TRAPPC9: variants seen among roughly 807,000 people sequenced by gnomAD.
The protein encoded by TRAPPC9 is IKK2 binding protein.
TRAPPC9 carries 83 observed loss-of-function variants against 124.0 expected under a neutral mutation model. The observed-to-expected ratio is 0.67, with a 90% CI of 0.56 to 0.80. The LOEUF (loss-of-function observed/expected upper bound fraction) is 0.80, where lower values mean the gene tolerates loss of function less well. Ranked by LOEUF, TRAPPC9 falls within the 30% of genes least tolerant of loss-of-function variation. The probability of loss-of-function intolerance (pLI) is 0.00; values close to 1 mark genes in which losing one functional copy is unlikely to be tolerated. For synonymous variants in TRAPPC9, 638 were observed against 617.5 expected (o/e 1.03, Z -0.49); for missense variants, 1,302 against 1,508.3 (o/e 0.86, Z 2.27).
At chr8:140,100,137 G>T (rs866839672) in intron 17 of TRAPPC9, 1 of 151,332 alleles carries the variant, frequency 6.6e-6, no homozygotes, top group African/African-American at 2.4e-5. Context: ...AATCTTCAGG[G>T]TATTGACGCC....
chr8:140,307,407 A>G lies in TRAPPC9; in HGVS notation c.1622+3841T>C, dbSNP rs114505226. On this transcript the variant is annotated intron_variant, in intron 10 of 22. Transcript: ENST00000438773. ...TTTTGCCTAAGTTAGCCTGGTTTCTATCAGCTGCTATTACAAAATATTCTA... is the reference window on the plus strand; with the variant it reads ...TTTTGCCTAAGTTAGCCTGGTTTCTGTCAGCTGCTATTACAAAATATTCTA... 4.8e-3 allele frequency among the ~76,000 whole-genome samples: 736 copies of G among 152,294 alleles called. 10 individuals are homozygous for G. The highest frequency in any genetic ancestry group is 0.017 in the African/African-American group (686 of 41,570).
At chr8:140,228,063 G>A (rs990294345) in intron 16 of TRAPPC9, among the ~76,000 whole-genome samples, 1 of 152,204 alleles carries the variant, frequency 6.6e-6, no homozygotes, top group Non-Finnish European at 1.5e-5. Flanking sequence ...CCGATCACAA[G>A]GACCCTTGCA....
At chr8:140,143,826 A>G (rs1183904127) in intron 17 of TRAPPC9, among the ~76,000 whole-genome samples, 1 of 152,222 alleles carries the variant, frequency 6.6e-6, no homozygotes, top group African/African-American at 2.4e-5. Flanking sequence ...GCCATTCCAT[A>G]TTCCATCAAT....
rs148962549 is a variant in TRAPPC9, at chr8:140,019,749, G to A, written c.2699+4188C>T. 4.3e-3 allele frequency among the ~76,000 whole-genome samples: 659 copies of A among 151,738 alleles called. 5 individuals are homozygous for A. Among genetic ancestry groups the A allele is most frequent in the Middle Eastern group, 0.01 (3 of 294 alleles). On this transcript the variant is annotated intron_variant, in intron 18 of 22. Transcript: ENST00000438773. ...CTATGTTTAGTAGAGATGAGGTTTC[G>A]CCATGTTAGTCAAGCTGGTTTCAAA...
rs543648661 is a variant in TRAPPC9, at chr8:139,834,236, G to A, written c.3055+51643C>T. On this transcript the variant is annotated intron_variant, in intron 21 of 22. Coordinates refer to ENST00000438773, the MANE Select transcript of TRAPPC9 (RefSeq NM_001160372.4). ...AGTGCCACCTGCTAGGCTTGGCCAG[G>A]CAAGAACGTCAGTCAAGGTTAGGTA... Among the ~76,000 whole-genome samples the A allele has an allele frequency of 3.9e-5, 6 of 152,316 alleles. No individual in the cohort carries two copies. In the South Asian group the frequency reaches 8.3e-4, roughly 21 times the overall value.
At chr8:140,404,899 TGTGAGCATGC>T (rs879865635) in intron 6 of TRAPPC9, among the ~76,000 whole-genome samples, 1,840 of 139,342 alleles carry the variant, frequency 0.013, 14 homozygotes, top group Non-Finnish European at 0.018. Flanking sequence ...TGCACGTGTG[TGTGAGCATGC>T]GTGTGTGTGT....
intron 9 of TRAPPC9, among the ~76,000 whole-genome samples, chr8:140,331,751 A>G (rs531451507): frequency 8.7e-4 from 132 of 152,296 alleles, no homozygotes; most frequent in Non-Finnish European, 1.6e-3. Flanking sequence ...ATCATCAGGG[A>G]AATGCAAATC....
intron 9 of TRAPPC9, among the ~76,000 whole-genome samples, chr8:140,351,404 A>T (rs926886104): frequency 1.3e-5 from 2 of 151,706 alleles, no homozygotes; most frequent in African/African-American, 4.8e-5. Context: ...TAAACAATGC[A>T]GTAGAATAAT....
At position 140,087,745 on chromosome 8, in the gene TRAPPC9, T is replaced by G. The variant is rs1844291449; in HGVS notation, c.2557-63666A>C. Among the ~76,000 whole-genome samples, 1 of 152,130 alleles carries G rather than the reference T, an allele frequency of 6.6e-6. No individual in the cohort carries two copies. The highest frequency in any genetic ancestry group is 6.5e-5 in the Admixed American group (1 of 15,276). ...TCCCCTGCCTCTACTCGTCCACGTT[T>G]CCCTCTCCACCCTGCAATCCATCTC... On this transcript the variant is annotated intron_variant, in intron 17 of 22. Coordinates refer to ENST00000438773, the MANE Select transcript of TRAPPC9 (RefSeq NM_001160372.4). This position sits in a 1 kb window ranked among gnomAD's most constrained non-coding sequence, Gnocchi z 4.6.
chr8:139,827,681 C>G (rs1825731671), intron 21 of TRAPPC9, among the ~76,000 whole-genome samples: 1 of 152,164 alleles, frequency 6.6e-6, no homozygotes, highest in South Asian at 2.1e-4. Flanking sequence ...CCTGGCAAAG[C>G]CAGCCAGGAC....
intron 20 of TRAPPC9, among the ~76,000 whole-genome samples, chr8:139,905,341 A>C (rs1242133560): frequency 6.6e-6 from 1 of 152,226 alleles, no homozygotes; most frequent in Non-Finnish European, 1.5e-5. Flanking sequence ...ACTTGTGAGC[A>C]TGAGGAGTCC....
intron 15 of TRAPPC9, among the ~76,000 whole-genome samples, chr8:140,256,840 C>A: frequency 6.6e-6 from 1 of 152,056 alleles, no homozygotes. Context: ...TGAGGGTTAG[C>A]GGGTTTAAAA....
At chr8:139,874,524 G>A (rs931382286) in intron 21 of TRAPPC9, among the ~76,000 whole-genome samples, 2 of 152,260 alleles carry the variant, frequency 1.3e-5, no homozygotes, top group Admixed American at 6.5e-5. Flanking sequence ...TGGGGCCAGG[G>A]AGGCCAAGGC....
At chr8:140,006,905 T>C (rs1486738153) in intron 18 of TRAPPC9, among the ~76,000 whole-genome samples, 1 of 152,202 alleles carries the variant, frequency 6.6e-6, no homozygotes, top group East Asian at 1.9e-4. Context: ...AATCAGATTG[T>C]TGTGACGGCT....
At chr8:139,967,822 C>T (rs529310377) in intron 19 of TRAPPC9, among the ~76,000 whole-genome samples, 2 of 152,154 alleles carry the variant, frequency 1.3e-5, no homozygotes, top group Admixed American at 6.5e-5. Flanking sequence ...TTAAAAAGCA[C>T]GCTTTGTTTT....
intron 17 of TRAPPC9, among the ~76,000 whole-genome samples, chr8:140,147,775 A>T (rs548711929): frequency 6.6e-6 from 1 of 152,358 alleles, no homozygotes; most frequent in Non-Finnish European, 1.5e-5. Flanking sequence ...AAAATAAGCC[A>T]CAGAGAGTTA....
chr8:139,963,730 C>A (rs1835495140), intron 19 of TRAPPC9, among the ~76,000 whole-genome samples: 1 of 129,810 alleles, frequency 7.7e-6, no homozygotes, highest in Non-Finnish European at 1.5e-5. Context: ...GAGGGATTCC[C>A]TCCGAGAACC....
At position 140,402,342 on chromosome 8, in the gene TRAPPC9, G is replaced by T. The variant is rs191780880; in HGVS notation, c.1008+3235C>A. Among the ~76,000 whole-genome samples the T allele has an allele frequency of 1.9e-4, 29 of 151,958 alleles. No homozygotes were observed. The East Asian group carries it at 5.6e-3, about 29-fold the overall frequency. ...GAGTGAAGGATTTTGAGGTTACAGT[G>T]AGCTGTGATCATGCTACTGCACTCC... On this transcript the variant is annotated intron_variant, in intron 6 of 22. Coordinates refer to ENST00000438773, the MANE Select transcript of TRAPPC9 (RefSeq NM_001160372.4).
intron 20 of TRAPPC9, among the ~76,000 whole-genome samples, chr8:139,908,342 G>A (rs143756088): frequency 0.015 from 2,245 of 152,254 alleles, 27 homozygotes; most frequent in Non-Finnish European, 0.02. Flanking sequence ...TGGGGCGCCC[G>A]GCCAGAGGCT....
Sources: gnomAD v4.1 joint callset for allele counts (sites outside exome capture counted in the v4.1 genomes callset) on GRCh38, gnomAD v4.1.1 for gene constraint, Gnocchi (gnomAD v3.1) non-coding constraint, MANE v1.5 for transcripts, NCBI Gene and HGNC (gene_info 2026-07-23, HGNC 2026-07-21) for gene names.